RHOT1: variants seen among roughly 807,000 people sequenced by gnomAD.
RHOT1 encodes ras homolog family member T1.
Under a neutral mutation model 95.3 loss-of-function variants are expected in RHOT1, and 27 were observed. The observed-to-expected ratio is 0.28, with a 90% CI of 0.21 to 0.39. The LOEUF is 0.39. Among genes scored for constraint, RHOT1 ranks in the 10% least tolerant of loss-of-function variants. The pLI is 1.00. For missense variants in RHOT1, 578 were observed against 786.7 expected, an observed-to-expected ratio of 0.73 and a Z score of 3.17; for synonymous variants, 227 against 263.5, an observed-to-expected ratio of 0.86 and a Z score of 1.34.
Position 32,142,556 on chromosome 17 carries a change from G to T in RHOT1, c.-137G>T. ...TGGCGCTGTCCCGGCTCTCTTGCGG[G>T]GAAGCAACTGAGGGGGCGGCGCGGC... On this transcript the variant is annotated 5_prime_UTR_variant, in exon 1 of 20. Coordinates refer to ENST00000545287, the MANE Select transcript of RHOT1 (RefSeq NM_001033566.3). 1.6e-6 allele frequency: 1 copy of T among 643,950 alleles called. No individual in the cohort carries two copies. The highest frequency in any genetic ancestry group is 2.6e-5 in the South Asian group (1 of 37,984). 39.9% of individuals were successfully genotyped at this position (643,950 alleles called of 1,614,324 possible). A position where few individuals can be genotyped will look rare whatever the true frequency, so the allele number is the denominator to read the frequency against.
chr17:32,203,025 G>A lies in RHOT1; in HGVS notation c.1332+125G>A, dbSNP rs565065256. On this transcript the variant is annotated intron_variant, in intron 15 of 19. Transcript: ENST00000545287. ...GAACTCAATGGCCTGTATTAGTCAA[G>A]TACAGTCTAAATGTAACAGTAATCC... The A allele has an allele frequency of 1.2e-4, 101 of 862,564 alleles. No homozygotes were observed. In the African/African-American group the frequency reaches 1.7e-3, roughly 15 times the overall value. 53.4% of individuals were successfully genotyped at this position (862,564 alleles called of 1,614,324 possible).
At chr17:32,204,023 T>A in intron 16 of RHOT1, 50 bp downstream of exon 16, 2 of 1,270,592 alleles carry the variant, frequency 1.6e-6, no homozygotes, top group Non-Finnish European at 1.1e-6. Context: ...GGTACATTTT[T>A]AAATGACTCT....
chr17:32,168,313 G>T (rs1321613424), intron 1 of RHOT1, among the ~76,000 whole-genome samples: 5 of 151,860 alleles, frequency 3.3e-5, no homozygotes, highest in African/African-American at 1.2e-4. Context: ...TGTCACCCCG[G>T]CTGGAGTGCA....
intron 1 of RHOT1, among the ~76,000 whole-genome samples, chr17:32,169,822 A>G (rs1179111317): frequency 6.6e-6 from 1 of 152,046 alleles, no homozygotes; most frequent in Non-Finnish European, 1.5e-5. Flanking sequence ...CCTGGGCGAC[A>G]TGACGAAACC....
chr17:32,206,074 C>T (rs1244010589), intron 16 of RHOT1, among the ~76,000 whole-genome samples: 2 of 152,062 alleles, frequency 1.3e-5, no homozygotes, highest in Non-Finnish European at 2.9e-5. Context: ...TAGATGTGTA[C>T]CATGGGCAGC....
chr17:32,183,138 T>C (rs747624127), intron 7 of RHOT1, 33 bp from the exon 8 acceptor site: 4 of 1,500,708 alleles, frequency 2.7e-6, no homozygotes, highest in Admixed American at 3.8e-5. Context: ...GCTCTCATAA[T>C]TGATTTCAGA....
chr17:32,210,741 C>T lies in RHOT1; in HGVS notation c.1740-375C>T, dbSNP rs140115705. Among the ~76,000 whole-genome samples the T allele has an allele frequency of 2.2e-3, 341 of 152,044 alleles. 4 individuals are homozygous for T. The highest frequency in any genetic ancestry group is 0.02 in the Admixed American group (308 of 15,256). On this transcript the variant is annotated intron_variant, in intron 18 of 19. Coordinates refer to ENST00000545287, the MANE Select transcript of RHOT1 (RefSeq NM_001033566.3). ...TTATTTAAACGCTAGCAAACTTTGT[C>T]CTTTTGGTGGGTGCTTATGGCTTAC...
intron 14 of RHOT1, 111 bp downstream of exon 14, chr17:32,201,167 A>G (rs1310559063): frequency 8.7e-6 from 5 of 575,078 alleles, no homozygotes; most frequent in Non-Finnish European, 1.5e-5. Context: ...TTCCATCTAC[A>G]CTCTATTAGT....
chr17:32,166,668 A>G (rs925844036), intron 1 of RHOT1, among the ~76,000 whole-genome samples: 4 of 152,210 alleles, frequency 2.6e-5, no homozygotes, highest in Admixed American at 2.6e-4. Flanking sequence ...ATTCTGTCTC[A>G]AGAAACCACA....
At chr17:32,158,499 G>A (rs971055795) in intron 1 of RHOT1, among the ~76,000 whole-genome samples, 1 of 151,986 alleles carries the variant, frequency 6.6e-6, no homozygotes, top group African/African-American at 2.4e-5. Context: ...TCTGTCACCA[G>A]GCTGGAGTGC....
At chr17:32,154,599 A>T (rs2142396739) in intron 1 of RHOT1, among the ~76,000 whole-genome samples, 1 of 150,212 alleles carries the variant, frequency 6.7e-6, no homozygotes, top group East Asian at 2.0e-4. Context: ...AAAAAAAAAA[A>T]AAAAAAAAAT....
intron 8 of RHOT1, among the ~76,000 whole-genome samples, 156 bp downstream of exon 8, chr17:32,183,428 T>C (rs1393031606): frequency 6.6e-6 from 1 of 152,208 alleles, no homozygotes; most frequent in East Asian, 1.9e-4. Flanking sequence ...TCTTCTTCAA[T>C]GACATTCACA....
intron 9 of RHOT1, 22 bp downstream of exon 9, chr17:32,192,321 C>T (rs780773325): frequency 1.1e-5 from 9 of 802,126 alleles, no homozygotes; most frequent in Non-Finnish European, 1.8e-5. Context: ...TTATTTCAGA[C>T]ATTTGCGTAT....
At chr17:32,218,262 G>A (rs571880323) in intron 19 of RHOT1, among the ~76,000 whole-genome samples, 2 of 152,228 alleles carry the variant, frequency 1.3e-5, no homozygotes, top group African/African-American at 4.8e-5. Flanking sequence ...GCAGAGGCAG[G>A]AGGATCACTT....
intron 19 of RHOT1, among the ~76,000 whole-genome samples, chr17:32,223,502 T>C (rs2038957174): frequency 6.6e-6 from 1 of 151,168 alleles, no homozygotes; most frequent in African/African-American, 2.4e-5. Flanking sequence ...GCAAACTCCG[T>C]CTTCTAGGTT....
intron 17 of RHOT1, 137 bp downstream of exon 17, chr17:32,207,166 C>T: frequency 2.5e-6 from 2 of 810,228 alleles, no homozygotes; most frequent in Non-Finnish European, 1.9e-6. Context: ...TTACCCTATT[C>T]CTGAAGGTTC....
Position 32,175,967 on chromosome 17 carries a change from T to C in RHOT1, c.228T>C (p.Asn76=), listed in dbSNP as rs760518820. 3 of 1,568,114 alleles carry C rather than the reference T, an allele frequency of 1.9e-6. No homozygotes were observed. The highest frequency in any genetic ancestry group is 2.0e-5 in the Admixed American group (1 of 48,814). The part of the protein sequence containing the change: ...EQLHQEISQA[N]VICIVYAVNN... ...TTTGTTAATTTTTCTTCTAGGCTAATGTCATCTGTATAGTGTATGCCGTTA... is the reference window on the plus strand; with the variant it reads ...TTTGTTAATTTTTCTTCTAGGCTAACGTCATCTGTATAGTGTATGCCGTTA... The change falls in exon 5 of 20, where the codon AAT becomes AAC. Residue 76 remains asparagine (N), a synonymous_variant. Coordinates refer to ENST00000545287, the MANE Select transcript of RHOT1 (RefSeq NM_001033566.3).
intron 6 of RHOT1, 67 bp downstream of exon 6, chr17:32,176,280 G>A: frequency 8.0e-7 from 1 of 1,251,678 alleles, no homozygotes; most frequent in South Asian, 1.3e-5. Context: ...GGTACAAGAA[G>A]TAGTACATTG....
chr17:32,157,420 G>A lies in RHOT1; in HGVS notation c.38-13623G>A, dbSNP rs186229328. On this transcript the variant is annotated intron_variant, in intron 1 of 19. Transcript: ENST00000545287. Reference sequence around the variant, plus strand: ...TCTGGAGATCTTCAGTAGCTGGTACGAAATGTGACATCAAGGAGGTTTAAG... The same window carrying A: ...TCTGGAGATCTTCAGTAGCTGGTACAAAATGTGACATCAAGGAGGTTTAAG... Among the ~76,000 whole-genome samples, 22 of 152,320 alleles carry A rather than the reference G, an allele frequency of 1.4e-4. No individual in the cohort carries two copies. In the East Asian group the frequency reaches 2.3e-3, roughly 16 times the overall value.
Sources: allele counts gnomAD v4.1 joint callset (sites outside exome capture counted in the v4.1 genomes callset), GRCh38; gene constraint gnomAD v4.1.1; transcripts MANE v1.5; gene names NCBI Gene and HGNC (gene_info 2026-07-23, HGNC 2026-07-21).